The following OR3A2 variants were observed in gnomAD, a reference collection of about 807,000 sequenced individuals.
The protein encoded by OR3A2 is olfactory receptor family 3 subfamily A member 2.
For missense variants in OR3A2, 318 were observed against 392.8 expected (o/e 0.81, Z 1.61); for synonymous variants, 126 against 159.3 (o/e 0.79, Z 1.57).
At chr17:3,283,654 G>T (rs538071450) in intron 1 of OR3A2, among the ~76,000 whole-genome samples, 1 of 152,282 alleles carries the variant, frequency 6.6e-6, no homozygotes, top group Non-Finnish European at 1.5e-5. Flanking sequence ...TTTAGGGGAG[G>T]TCCAGGTTAA....
intron 3 of OR3A2, among the ~76,000 whole-genome samples, chr17:3,304,128 T>C (rs557201185): frequency 1.5e-4 from 23 of 152,178 alleles, no homozygotes; most frequent in African/African-American, 5.3e-4. Flanking sequence ...TGTAGGACTC[T>C]ACACAACCTG....
chr17:3,349,112 A>G (rs1250455768), intron 2 of OR3A2, among the ~76,000 whole-genome samples: 1 of 152,190 alleles, frequency 6.6e-6, no homozygotes, highest in African/African-American at 2.4e-5. Context: ...ACTAGGAAGA[A>G]ACCGCATCAA....
chr17:3,278,274 A>T, exon 2 of OR3A2: 1 of 1,614,180 alleles, frequency 6.2e-7, no homozygotes. Flanking sequence ...GATGATGAGA[A>T]CCAAAGGTGT....
rs545069886 is a variant in OR3A2, at chr17:3,324,187, G to A, written c.-85+11846C>T. Among the ~76,000 whole-genome samples, 48 of 152,020 alleles carry A rather than the reference G, an allele frequency of 3.2e-4. 2 individuals are homozygous for A. Among genetic ancestry groups the A allele is most frequent in the African/African-American group, 9.2e-4 (38 of 41,438 alleles). The stretch of plus-strand genomic sequence containing the variant: ...CTTCTGCATTCGTCACGTAGTTCTC[G>A]TGCCTTGGTTTTCAGCTCCATCAGG... On this transcript the variant is annotated intron_variant, in intron 3 of 4. Transcript: ENST00000573491.
chr17:3,314,223 G>A (rs1244223039), intron 3 of OR3A2, among the ~76,000 whole-genome samples: 2 of 152,090 alleles, frequency 1.3e-5, no homozygotes, highest in Admixed American at 6.5e-5. Context: ...AACACTATAG[G>A]TTGGGAAATC....
intron 3 of OR3A2, among the ~76,000 whole-genome samples, chr17:3,293,999 G>A (rs2048899186): frequency 6.6e-6 from 1 of 152,102 alleles, no homozygotes; most frequent in Non-Finnish European, 1.5e-5. Flanking sequence ...AAGAGCTAAT[G>A]CATGCTGGGC....
intron 2 of OR3A2, among the ~76,000 whole-genome samples, chr17:3,361,306 G>A (rs2049513156): frequency 6.6e-6 from 1 of 151,510 alleles, no homozygotes; most frequent in Admixed American, 6.6e-5. Context: ...AGCTTAAGGA[G>A]ATTTTGGGCT....
intron 3 of OR3A2, among the ~76,000 whole-genome samples, chr17:3,297,259 C>G (rs145913930): frequency 6.6e-6 from 1 of 152,290 alleles, no homozygotes; most frequent in African/African-American, 2.4e-5. Flanking sequence ...AAAAATCATT[C>G]ACTATAAATA....
exon 2 of OR3A2, chr17:3,278,412 A>G (rs759079045): frequency 6.2e-7 from 1 of 1,614,196 alleles, no homozygotes; most frequent in East Asian, 2.2e-5. Context: ...ACAGAAGTTG[A>G]GCGTGGACAT....
rs1162665291 is a variant in OR3A2 at position 3,373,090 on chromosome 17, C to CGT, written c.-179+10712_-179+10713dup. ...AGAAGCAGCTTATATAATTTCCATG[C>CGT]GTGTGTGTAGTTTTGAGGGTTCCTT... On this transcript the variant is annotated intron_variant, in intron 2 of 4. Transcript: ENST00000573491. Among the ~76,000 whole-genome samples the CGT allele has an allele frequency of 6.6e-5, 10 of 152,174 alleles. No individual in the cohort carries two copies. In the East Asian group the frequency reaches 1.9e-3, roughly 29 times the overall value.
chr17:3,378,769 A>C (rs540157506), intron 2 of OR3A2, among the ~76,000 whole-genome samples: 16 of 152,054 alleles, frequency 1.1e-4, no homozygotes, highest in Admixed American at 2.0e-4. Context: ...TTTAAATACC[A>C]CTTCCCCCCG....
chr17:3,337,582 T>C (rs2049282979), intron 2 of OR3A2, among the ~76,000 whole-genome samples: 1 of 152,190 alleles, frequency 6.6e-6, no homozygotes, highest in Admixed American at 6.5e-5. Context: ...GCTTCATCCA[T>C]GTCCTTACAA....
At chr17:3,325,411 G>A (rs929011918) in intron 3 of OR3A2, among the ~76,000 whole-genome samples, 2 of 151,704 alleles carry the variant, frequency 1.3e-5, no homozygotes, top group African/African-American at 4.8e-5. Flanking sequence ...GGTTTCACCA[G>A]GTTGGCCAGG....
At chr17:3,281,641 T>TTTTG (rs916122414) in intron 1 of OR3A2, among the ~76,000 whole-genome samples, 3 of 94,752 alleles carry the variant, frequency 3.2e-5, no homozygotes, top group African/African-American at 4.8e-5. Flanking sequence ...AAATTAAGAG[T>TTTTG]TTTGTTTGTT....
At chr17:3,367,601 G>GTGTGTATATA (rs1555530074) in intron 2 of OR3A2, among the ~76,000 whole-genome samples, 5 of 122,522 alleles carry the variant, frequency 4.1e-5, no homozygotes, top group African/African-American at 1.8e-4. Flanking sequence ...GTGTGTGTGT[G>GTGTGTATATA]TATATATATA....
intron 2 of OR3A2, among the ~76,000 whole-genome samples, chr17:3,356,684 CA>C (rs1255567209): frequency 6.6e-6 from 1 of 151,522 alleles, no homozygotes; most frequent in Non-Finnish European, 1.5e-5. Context: ...TCCAGATCAC[CA>C]ATCAATAGCC....
chr17:3,298,065 C>G (rs1015224872), intron 3 of OR3A2, among the ~76,000 whole-genome samples: 1 of 152,098 alleles, frequency 6.6e-6, no homozygotes. Flanking sequence ...TTAGTTAAAA[C>G]AATCCATTCA....
At chr17:3,354,159 T>TATAGCATTTTCACA (rs1567565517) in intron 2 of OR3A2, among the ~76,000 whole-genome samples, 20 of 151,714 alleles carry the variant, frequency 1.3e-4, no homozygotes, top group African/African-American at 4.4e-4. Context: ...TTTTAATGTG[T>TATAGCATTTTCACA]CTGTGTCTGT....
intron 2 of OR3A2, among the ~76,000 whole-genome samples, chr17:3,373,808 G>GA (rs1409027215): frequency 6.6e-6 from 1 of 152,106 alleles, no homozygotes; most frequent in African/African-American, 2.4e-5. Flanking sequence ...TTAATACTGA[G>GA]ATGTGAGGTA....
Sources: allele counts gnomAD v4.1 joint callset (sites outside exome capture counted in the v4.1 genomes callset), GRCh38; gene constraint gnomAD v4.1.1; transcripts MANE v1.5; gene names NCBI Gene and HGNC (gene_info 2026-07-23, HGNC 2026-07-21).